TRPC4: variants seen among roughly 807,000 people sequenced by gnomAD.
The protein encoded by TRPC4 is transient receptor potential cation channel subfamily C member 4, also known as short transient receptor potential channel 4.
In TRPC4, 49 loss-of-function variants were observed where a neutral mutation model predicts 99.4. The observed-to-expected ratio is 0.49, with a 90% CI of 0.39 to 0.63. The LOEUF (loss-of-function observed/expected upper bound fraction) is 0.63. Among genes scored for constraint, TRPC4 ranks in the 20% least tolerant of loss-of-function variants. The pLI is 0.00. For missense variants in TRPC4, 898 were observed against 1,152.9 expected, an observed-to-expected ratio of 0.78 and a Z score of 3.20; for synonymous variants, 454 against 425.9, an observed-to-expected ratio of 1.07 and a Z score of -0.81.
Position 37,746,457 on chromosome 13 carries a change from TAAAA to T in TRPC4, c.379-6_379-3del. 1.5e-6 allele frequency: 2 copies of T among 1,342,552 alleles called. No individual in the cohort carries two copies. Among genetic ancestry groups the T allele is most frequent in the Non-Finnish European group, 1.0e-6 (1 of 986,030 alleles). 83.2% of individuals were successfully genotyped at this position (1,342,552 alleles called of 1,614,324 possible). On this transcript the variant is annotated splice_polypyrimidine_tract_variant and splice_region_variant and intron_variant, in intron 2 of 10. Coordinates refer to ENST00000379705, the MANE Select transcript of TRPC4 (RefSeq NM_016179.4). ...CTTATCAAGGAGTATAGGAGGCACC[TAAAA>T]AAAAAAAAGGCAGAGGTGATGAATA...
chr13:37,715,683 G>A (rs977141342), intron 3 of TRPC4, among the ~76,000 whole-genome samples: 8 of 152,234 alleles, frequency 5.3e-5, no homozygotes, highest in African/African-American at 1.9e-4. Flanking sequence ...TTAATCATAT[G>A]TTGCTTTTTC....
intron 1 of TRPC4, among the ~76,000 whole-genome samples, chr13:37,812,715 G>T (rs1432498911): frequency 6.6e-6 from 1 of 152,016 alleles, no homozygotes; most frequent in Non-Finnish European, 1.5e-5. Context: ...TAATGAAAAA[G>T]ATGTTTTCCA....
At chr13:37,840,782 T>C (rs1958710338) in intron 1 of TRPC4, among the ~76,000 whole-genome samples, 1 of 152,076 alleles carries the variant, frequency 6.6e-6, no homozygotes, top group African/African-American at 2.4e-5. Flanking sequence ...CCACCAAAAG[T>C]TGGCCTTCCA....
intron 3 of TRPC4, 96 bp downstream of exon 3, chr13:37,745,841 T>G: frequency 3.7e-6 from 5 of 1,350,942 alleles, no homozygotes; most frequent in Non-Finnish European, 5.1e-6. Flanking sequence ...GAATAGAAAA[T>G]GCTCTAAAAC....
chr13:37,681,587 C>T (rs1015678631), intron 4 of TRPC4, among the ~76,000 whole-genome samples: 6 of 152,008 alleles, frequency 3.9e-5, no homozygotes, highest in Non-Finnish European at 7.4e-5. Flanking sequence ...TTTATTCTGG[C>T]AACATTTACT....
intron 1 of TRPC4, among the ~76,000 whole-genome samples, chr13:37,811,080 A>G (rs1319500927): frequency 6.6e-6 from 1 of 152,138 alleles, no homozygotes; most frequent in Non-Finnish European, 1.5e-5. Flanking sequence ...TATTCTACTT[A>G]CATTACTGTG....
rs1951565873 is a variant in TRPC4 at position 37,637,372 on chromosome 13, G to A, written c.2465C>T (p.Ala822Val). The change falls in exon 11 of 11, where the codon GCC becomes GTC. Residue 822 changes from alanine to valine, a missense_variant. By Grantham distance (64) the Ala-to-Val change is moderately conservative. This residue lies in a region of TRPC4 where 346 missense variants were observed against 351.4 expected (regional missense o/e 0.98). Coordinates refer to ENST00000379705, the MANE Select transcript of TRPC4 (RefSeq NM_016179.4). ...SERHNISNGS[A>V]LVVQEPPREK... ...CCTGGGCGGCTCCTGAACCACCAGG[G>A]CAGAGCCATTGCTTATGTTATGTCT... 1 of 1,613,504 alleles carries A rather than the reference G, an allele frequency of 6.2e-7. No individual in the cohort carries two copies. The highest frequency in any genetic ancestry group is 2.2e-5 in the East Asian group (1 of 44,860).
intron 4 of TRPC4, among the ~76,000 whole-genome samples, chr13:37,680,970 G>C (rs1953215988): frequency 6.6e-6 from 1 of 152,242 alleles, no homozygotes; most frequent in Non-Finnish European, 1.5e-5. Flanking sequence ...TATACCTGCT[G>C]CTACTAAACT....
chr13:37,818,802 G>C (rs1192554801), intron 1 of TRPC4, among the ~76,000 whole-genome samples: 2 of 151,966 alleles, frequency 1.3e-5, no homozygotes, highest in Non-Finnish European at 2.9e-5. Context: ...GGCCTGTCAG[G>C]GGATTGGGGG....
At chr13:37,715,824 C>A (rs9532107) in intron 3 of TRPC4, among the ~76,000 whole-genome samples, 60,503 of 151,996 alleles carry the variant, frequency 0.4, 12,439 homozygotes, top group Middle Eastern at 0.51. Flanking sequence ...CAGAATTGGC[C>A]TATATTAAAA....
Position 37,636,933 on chromosome 13 carries a change from G to A in TRPC4, c.2904C>T (p.Thr968=). ...DYDLNLPDTV[T]HEDYVTTRL ...ATCTTGTGGTCACGTAATCTTCGTG[G>A]GTGACTGTGTCTGGGAGGTTTAGAT... The change falls in exon 11 of 11, where the codon ACC becomes ACT. Residue 968 remains threonine (T), a synonymous_variant. Transcript: ENST00000379705. 6.2e-7 allele frequency: 1 copy of A among 1,612,610 alleles called. No individual in the cohort carries two copies.
chr13:37,655,175 G>A lies in TRPC4; in HGVS notation c.1797C>T (p.Thr599=). Residue 599 remains threonine (T), a synonymous_variant, in exon 7 of 11, where the codon ACC becomes ACT. Transcript: ENST00000379705. ...AGATGACATTGTATGTCCCAAACATGGTGGCACCAACAAACTCAGTAAATT... is the reference window on the plus strand; with the variant it reads ...AGATGACATTGTATGTCCCAAACATAGTGGCACCAACAAACTCAGTAAATT... ...QHEFTEFVGA[T]MFGTYNVISL... is the part of the protein sequence containing the mutation. 6.2e-7 allele frequency: 1 copy of A among 1,607,672 alleles called. No homozygotes were observed. Among genetic ancestry groups the A allele is most frequent in the Non-Finnish European group, 8.5e-7 (1 of 1,176,376 alleles).
intron 1 of TRPC4, among the ~76,000 whole-genome samples, chr13:37,784,573 T>G (rs1215212797): frequency 6.6e-6 from 1 of 152,038 alleles, no homozygotes; most frequent in East Asian, 1.9e-4. Flanking sequence ...ACATATTTAT[T>G]TGGATATGTT....
At chr13:37,693,866 A>G (rs1953817191) in intron 3 of TRPC4, among the ~76,000 whole-genome samples, 1 of 152,190 alleles carries the variant, frequency 6.6e-6, no homozygotes, top group African/African-American at 2.4e-5. Flanking sequence ...AAAACCAGAT[A>G]AAATAGTATG....
At chr13:37,695,918 G>A (rs1046946871) in intron 3 of TRPC4, among the ~76,000 whole-genome samples, 1 of 152,062 alleles carries the variant, frequency 6.6e-6, no homozygotes, top group African/African-American at 2.4e-5. Context: ...ACAAAAAGGA[G>A]GCTAAATCTG....
At chr13:37,721,779 T>C (rs1954878571) in intron 3 of TRPC4, among the ~76,000 whole-genome samples, 1 of 152,138 alleles carries the variant, frequency 6.6e-6, no homozygotes, top group Admixed American at 6.6e-5. Flanking sequence ...TTATAGGCGA[T>C]TTTATTTATT....
intron 3 of TRPC4, among the ~76,000 whole-genome samples, chr13:37,732,383 C>G (rs1463574933): frequency 6.6e-6 from 1 of 152,046 alleles, no homozygotes; most frequent in Non-Finnish European, 1.5e-5. Context: ...GAAAAGTTGA[C>G]AGCATTCCTG....
chr13:37,687,364 C>T (rs897551724), intron 4 of TRPC4, among the ~76,000 whole-genome samples: 4 of 152,084 alleles, frequency 2.6e-5, no homozygotes, highest in African/African-American at 9.7e-5. Context: ...GATGTCCATA[C>T]TTTTTTGTGC....
At chr13:37,675,018 T>G (rs1370912500) in intron 4 of TRPC4, among the ~76,000 whole-genome samples, 3 of 152,178 alleles carry the variant, frequency 2.0e-5, no homozygotes, top group African/African-American at 7.2e-5. Flanking sequence ...TTATTAAAAT[T>G]TTATAATTTC....
Sources: allele counts gnomAD v4.1 joint callset (sites outside exome capture counted in the v4.1 genomes callset), GRCh38; gene constraint gnomAD v4.1.1; regional missense constraint gnomAD v4.1.1; transcripts MANE v1.5; gene names NCBI Gene and HGNC (gene_info 2026-07-23, HGNC 2026-07-21).